CNBD1: variants seen among roughly 807,000 people sequenced by gnomAD.
CNBD1 encodes the protein cyclic nucleotide-binding domain-containing protein 1.
A neutral mutation model predicts 54.4 loss-of-function variants in CNBD1; 71 were observed. The ratio of observed to expected loss-of-function variants is 1.30; its 90% CI spans 1.08 to 1.59. The LOEUF (loss-of-function observed/expected upper bound fraction) is 1.59, where lower values mean the gene tolerates loss of function less well. CNBD1 is among the 40% of genes most tolerant of loss of function. The probability of loss-of-function intolerance (pLI) is 0.00; values close to 1 mark genes in which losing one functional copy is unlikely to be tolerated. For missense variants in CNBD1, 659 were observed against 518.0 expected (o/e 1.27, Z -2.64); for synonymous variants, 182 against 170.7 (o/e 1.07, Z -0.51).
intron 4 of CNBD1, among the ~76,000 whole-genome samples, chr8:87,043,161 G>A (rs1444454939): frequency 6.6e-6 from 1 of 152,140 alleles, no homozygotes; most frequent in Non-Finnish European, 1.5e-5. Flanking sequence ...GGTTATGTGT[G>A]GAACAGGTTG....
At chr8:87,236,333 G>C (rs923983325) in intron 5 of CNBD1, among the ~76,000 whole-genome samples, 7 of 152,046 alleles carry the variant, frequency 4.6e-5, no homozygotes, top group African/African-American at 1.7e-4. Context: ...TTTAACTTTA[G>C]GAATTGGGGT....
chr8:87,210,425 C>G (rs1814072494), intron 5 of CNBD1, among the ~76,000 whole-genome samples: 1 of 152,166 alleles, frequency 6.6e-6, no homozygotes, highest in Non-Finnish European at 1.5e-5. Context: ...ATAGCCAAGA[C>G]AGTGGGAAAA....
chr8:87,013,975 A>G (rs1200532664), intron 4 of CNBD1, among the ~76,000 whole-genome samples: 2 of 147,608 alleles, frequency 1.4e-5, no homozygotes, highest in South Asian at 4.3e-4. Flanking sequence ...AGTCTAAAAT[A>G]AAAAAAAAAG....
intron 6 of CNBD1, among the ~76,000 whole-genome samples, chr8:87,283,722 C>A (rs1321067759): frequency 1.3e-5 from 2 of 152,060 alleles, no homozygotes; most frequent in Non-Finnish European, 1.5e-5. Flanking sequence ...CTGGGGCAAT[C>A]CTCCAAGTTC....
At chr8:87,081,567 G>C (rs572020343) in intron 4 of CNBD1, among the ~76,000 whole-genome samples, 9 of 150,426 alleles carry the variant, frequency 6.0e-5, no homozygotes, top group African/African-American at 2.0e-4. Context: ...GTGCAGTGGC[G>C]CGACCTCGGC....
At chr8:87,117,082 A>C (rs1037217637) in intron 4 of CNBD1, among the ~76,000 whole-genome samples, 3 of 152,110 alleles carry the variant, frequency 2.0e-5, no homozygotes, top group African/African-American at 7.2e-5. Flanking sequence ...TAACCATCTT[A>C]TATCTACTTG....
chr8:87,418,825 G>C (rs1807878673), intron 2 of CNBD1, among the ~76,000 whole-genome samples: 1 of 151,878 alleles, frequency 6.6e-6, no homozygotes, highest in Admixed American at 6.6e-5. Flanking sequence ...CATATGTGAA[G>C]AAATTGAAAC....
intron 10 of CNBD1, among the ~76,000 whole-genome samples, chr8:87,368,984 A>G (rs1166890009): frequency 3.3e-5 from 5 of 152,014 alleles, no homozygotes; most frequent in Non-Finnish European, 7.4e-5. Flanking sequence ...GGGTGCAACC[A>G]GGAATCAAAC....
intron 6 of CNBD1, among the ~76,000 whole-genome samples, chr8:87,273,159 G>A (rs942490639): frequency 3.3e-5 from 5 of 151,888 alleles, no homozygotes; most frequent in African/African-American, 1.2e-4. Flanking sequence ...TACAGTAACG[G>A]CAATACAGAG....
At chr8:87,205,166 T>A (rs906100405) in intron 4 of CNBD1, among the ~76,000 whole-genome samples, 6 of 152,290 alleles carry the variant, frequency 3.9e-5, no homozygotes, top group African/African-American at 1.4e-4. Context: ...GTTTTTCACA[T>A]GAAATTTTAA....
chr8:87,015,320 C>T (rs1311731915), intron 4 of CNBD1, among the ~76,000 whole-genome samples: 1 of 151,964 alleles, frequency 6.6e-6, no homozygotes, highest in Non-Finnish European at 1.5e-5. Context: ...GTAGCTGGTA[C>T]TACAGGCACC....
At chr8:87,077,412 C>CTTTTTTTTTTT (rs374931620) in intron 4 of CNBD1, among the ~76,000 whole-genome samples, 5 of 129,574 alleles carry the variant, frequency 3.9e-5, no homozygotes, top group East Asian at 2.3e-4. Context: ...TCTTCTTCTT[C>CTTTTTTTTTTT]TTTTTTTTTT....
intron 4 of CNBD1, among the ~76,000 whole-genome samples, chr8:87,159,706 T>G (rs1812816400): frequency 6.6e-6 from 1 of 152,082 alleles, no homozygotes; most frequent in Non-Finnish European, 1.5e-5. Flanking sequence ...GCAGCCAACC[T>G]AAGGCAAGAG....
intron 3 of CNBD1, among the ~76,000 whole-genome samples, chr8:86,922,356 G>T (rs1268797906): frequency 6.6e-6 from 1 of 152,088 alleles, no homozygotes; most frequent in Non-Finnish European, 1.5e-5. Context: ...AATAAAAAAG[G>T]CAAGGCGAGG....
intron 3 of CNBD1, among the ~76,000 whole-genome samples, chr8:86,920,017 A>T (rs1206758506): frequency 2.0e-5 from 3 of 152,150 alleles, no homozygotes; most frequent in African/African-American, 7.2e-5. Context: ...TGTGAAAAAA[A>T]AAAGTCACCA....
intron 4 of CNBD1, among the ~76,000 whole-genome samples, chr8:87,053,051 C>T (rs1810344018): frequency 6.6e-6 from 1 of 152,062 alleles, no homozygotes; most frequent in African/African-American, 2.4e-5. Flanking sequence ...GGGGCTGAGG[C>T]ACTCAGAAGT....
At chr8:87,300,108 C>T (rs940781849) in intron 8 of CNBD1, among the ~76,000 whole-genome samples, 2 of 152,018 alleles carry the variant, frequency 1.3e-5, no homozygotes, top group African/African-American at 4.8e-5. Flanking sequence ...ATCAGTTATC[C>T]ATAAGTCAGC....
intron 2 of CNBD1, among the ~76,000 whole-genome samples, chr8:87,425,347 T>G (rs1319961761): frequency 1.3e-5 from 2 of 152,250 alleles, no homozygotes; most frequent in African/African-American, 4.8e-5. Flanking sequence ...TCCAGCTTTG[T>G]TCCGTTGCTG....
chr8:86,872,190 C>G (rs919812983), intron 1 of CNBD1, among the ~76,000 whole-genome samples: 3 of 152,112 alleles, frequency 2.0e-5, no homozygotes, highest in African/African-American at 7.2e-5. Context: ...CTTAATTACA[C>G]CATCATAATC....
Sources: allele counts gnomAD v4.1 joint callset (sites outside exome capture counted in the v4.1 genomes callset), GRCh38; gene constraint gnomAD v4.1.1; transcripts MANE v1.5; gene names NCBI Gene and HGNC (gene_info 2026-07-23, HGNC 2026-07-21).